Variants in INPP4B observed in about 807,000 individuals in gnomAD.
The protein encoded by INPP4B is inositol polyphosphate 4-phosphatase type II.
Under a neutral mutation model 122.5 loss-of-function variants are expected in INPP4B, and 55 were observed. The ratio of observed to expected loss-of-function variants is 0.45; its 90% confidence interval spans 0.36 to 0.56. The LOEUF is 0.56. INPP4B is among the 20% of genes least tolerant of loss of function. The pLI is 0.00. For synonymous variants in INPP4B, 403 were observed against 388.7 expected (o/e 1.04, Z -0.43); for missense variants, 1,000 against 1,097.7 (o/e 0.91, Z 1.26).
intron 10 of INPP4B, among the ~76,000 whole-genome samples, chr4:142,261,184 A>G (rs1222210394): frequency 1.3e-5 from 2 of 152,188 alleles, no homozygotes; most frequent in African/African-American, 4.8e-5. Flanking sequence ...GCACATGGAC[A>G]TGTTCCTAGT....
intron 1 of INPP4B, among the ~76,000 whole-genome samples, chr4:142,820,469 C>A (rs1386603728): frequency 6.6e-6 from 1 of 152,132 alleles, no homozygotes; most frequent in African/African-American, 2.4e-5. Context: ...GCCCTCACAG[C>A]AGATGCTGGC....
intron 2 of INPP4B, among the ~76,000 whole-genome samples, chr4:142,483,056 A>G (rs1004114773): frequency 7.9e-5 from 12 of 151,998 alleles, no homozygotes; most frequent in African/African-American, 2.7e-4. Context: ...TTCTTTATGC[A>G]TAGTCCCCCC....
chr4:142,733,139 C>A (rs146328291), intron 1 of INPP4B, among the ~76,000 whole-genome samples: 234 of 152,208 alleles, frequency 1.5e-3, no homozygotes, highest in African/African-American at 5.6e-3. Context: ...AAAAGTGGAT[C>A]CTGACTCCTA....
intron 15 of INPP4B, among the ~76,000 whole-genome samples, chr4:142,182,233 A>T (rs978367176): frequency 6.6e-6 from 1 of 152,088 alleles, no homozygotes; most frequent in Non-Finnish European, 1.5e-5. Flanking sequence ...GGTCTCTGGG[A>T]TCCTCTCTAA....
At chr4:142,137,300 A>C (rs1484216703) in intron 18 of INPP4B, among the ~76,000 whole-genome samples, 1 of 146,256 alleles carries the variant, frequency 6.8e-6, no homozygotes, top group Non-Finnish European at 1.5e-5. Flanking sequence ...TTCCCTATTT[A>C]ATAAATGGTG....
intron 2 of INPP4B, among the ~76,000 whole-genome samples, chr4:142,713,533 A>G (rs567849086): frequency 7.2e-5 from 11 of 152,342 alleles, no homozygotes; most frequent in African/African-American, 2.6e-4. Context: ...TACTCTTCTG[A>G]GAAATACTTA....
intron 11 of INPP4B, among the ~76,000 whole-genome samples, chr4:142,251,574 C>G (rs540213458): frequency 1.3e-5 from 2 of 152,060 alleles, no homozygotes; most frequent in African/African-American, 4.8e-5. Context: ...TAGTACATAC[C>G]CCACAATATT....
chr4:142,311,165 C>T (rs1348772861), intron 8 of INPP4B, among the ~76,000 whole-genome samples: 1 of 152,080 alleles, frequency 6.6e-6, no homozygotes, highest in Admixed American at 6.6e-5. Context: ...TTGCGGTGTC[C>T]AAGGAAATAT....
chr4:142,035,899 G>T (rs1355876632), intron 25 of INPP4B, among the ~76,000 whole-genome samples: 1 of 151,992 alleles, frequency 6.6e-6, no homozygotes, highest in Non-Finnish European at 1.5e-5. Context: ...TAGGGAGAGG[G>T]GCAGGAGGAG....
chr4:142,392,726 A>C (rs531021160), intron 7 of INPP4B, among the ~76,000 whole-genome samples: 2 of 152,346 alleles, frequency 1.3e-5, no homozygotes, highest in East Asian at 3.9e-4. Context: ...CAGACTTTAA[A>C]TTCTCCTGTC....
chr4:142,093,417 T>C (rs1203439030), intron 23 of INPP4B, among the ~76,000 whole-genome samples: 3 of 152,146 alleles, frequency 2.0e-5, no homozygotes, highest in Admixed American at 2.0e-4. Context: ...AAACTTGAGG[T>C]AGCTTGTTAT....
chr4:142,832,778 T>C (rs1674455675), intron 1 of INPP4B, among the ~76,000 whole-genome samples: 2 of 151,104 alleles, frequency 1.3e-5, no homozygotes, highest in South Asian at 4.1e-4. Flanking sequence ...CATTGTCTTA[T>C]ACCTAATCCA....
At chr4:142,199,504 T>C (rs1196483009) in intron 14 of INPP4B, among the ~76,000 whole-genome samples, 1 of 152,078 alleles carries the variant, frequency 6.6e-6, no homozygotes, top group Non-Finnish European at 1.5e-5. Flanking sequence ...TTTAATATGC[T>C]GTCTAAACAG....
chr4:142,629,798 C>G (rs889255544), intron 2 of INPP4B, among the ~76,000 whole-genome samples: 1 of 151,958 alleles, frequency 6.6e-6, no homozygotes, highest in Non-Finnish European at 1.5e-5. Context: ...TTATTCTTGC[C>G]CTCTGCCCAA....
chr4:142,131,226 G>C (rs941420470), intron 18 of INPP4B, among the ~76,000 whole-genome samples: 1 of 152,148 alleles, frequency 6.6e-6, no homozygotes, highest in Non-Finnish European at 1.5e-5. Flanking sequence ...ATAGGTCTTT[G>C]AGCAACCTGA....
chr4:142,310,073 C>T (rs1764896684), intron 8 of INPP4B, among the ~76,000 whole-genome samples: 1 of 152,128 alleles, frequency 6.6e-6, no homozygotes, highest in Admixed American at 6.5e-5. Flanking sequence ...CCACAGCTGG[C>T]CAAACCTCCA....
At chr4:142,547,094 C>T (rs1298876522) in intron 2 of INPP4B, among the ~76,000 whole-genome samples, 1 of 150,524 alleles carries the variant, frequency 6.6e-6, no homozygotes. Flanking sequence ...TATAGCAATA[C>T]ATATGTTGTT....
At chr4:142,805,857 C>T (rs1021377090) in intron 1 of INPP4B, among the ~76,000 whole-genome samples, 1 of 152,146 alleles carries the variant, frequency 6.6e-6, no homozygotes, top group Non-Finnish European at 1.5e-5. Flanking sequence ...TTTATACATT[C>T]ATTTTCAACT....
At chr4:142,119,818 CACACACATACACATAT>C (rs1795716633) in intron 21 of INPP4B, among the ~76,000 whole-genome samples, 1 of 45,902 alleles carries the variant, frequency 2.2e-5, no homozygotes, top group African/African-American at 4.0e-5. Context: ...CACACACACA[CACACACATACACATAT>C]ATATACATAT....
Sources: gnomAD v4.1 joint callset for allele counts (sites outside exome capture counted in the v4.1 genomes callset) on GRCh38, gnomAD v4.1.1 for gene constraint, MANE v1.5 for transcripts, NCBI Gene and HGNC (gene_info 2026-07-23, HGNC 2026-07-21) for gene names.